The following TECPR1 variants were observed in gnomAD, a reference collection of about 807,000 sequenced individuals.
TECPR1 encodes tectonin beta-propeller repeat containing 1.
Under a neutral mutation model 162.4 loss-of-function variants are expected in TECPR1, and 122 were observed. The ratio of observed to expected loss-of-function variants is 0.75; its 90% CI spans 0.65 to 0.87. TECPR1 has a LOEUF of 0.87. Among genes scored for constraint, TECPR1 ranks in the 40% least tolerant of loss-of-function variants. The pLI is 0.00. For missense variants in TECPR1, 1,432 were observed against 1,618.2 expected (o/e 0.88, Z 1.97); for synonymous variants, 642 against 670.6 (o/e 0.96, Z 0.66).
Position 98,232,889 on chromosome 7 carries a change from GCTGCTGGAAGAT to G in TECPR1, c.1744_1755del (p.Ile582_Gln585del), listed in dbSNP as rs767197158. Reference sequence around the variant, plus strand: ...AGCTCCCGCTTGGTCCTTTCCGTGAGCTGCTGGAAGATCTGCTTCCTCCAGGCAGCGGTCTGG... The same window carrying G: ...AGCTCCCGCTTGGTCCTTTCCGTGAGCTGCTTCCTCCAGGCAGCGGTCTGG... On this transcript the variant is annotated inframe_deletion, in exon 12 of 26. Transcript: ENST00000447648. This position sits in a 1 kb window ranked among gnomAD's most constrained non-coding sequence, Gnocchi z 4.6. The G allele has an allele frequency of 3.1e-6, 5 of 1,613,010 alleles. No individual in the cohort carries two copies. Among genetic ancestry groups the G allele is most frequent in the Non-Finnish European group, 4.2e-6 (5 of 1,179,814 alleles).
In TECPR1 at chr7:98,222,374, C is replaced by T. The variant is rs369834776; in HGVS notation, c.3064+12G>A. On this transcript the variant is annotated intron_variant, in intron 22 of 25. Coordinates refer to ENST00000447648, the MANE Select transcript of TECPR1 (RefSeq NM_015395.3). ...GTGAACACTGCAGGGGCTCCTGGGGCGCGGCACTCACCGGCTGGCTGCGAG... is the reference window on the plus strand; with the variant it reads ...GTGAACACTGCAGGGGCTCCTGGGGTGCGGCACTCACCGGCTGGCTGCGAG... 3.7e-6 allele frequency: 6 copies of T among 1,604,760 alleles called. No individual in the cohort carries two copies. Among genetic ancestry groups the T allele is most frequent in the East Asian group, 2.2e-5 (1 of 44,600 alleles).
intron 15 of TECPR1, among the ~76,000 whole-genome samples, chr7:98,229,475 C>T (rs1345127581): frequency 2.6e-5 from 4 of 152,180 alleles, no homozygotes; most frequent in African/African-American, 7.2e-5. Context: ...AGGCCAGCGG[C>T]GTGTTTCACA....
At chr7:98,240,796 C>A in intron 8 of TECPR1, 55 bp downstream of exon 8, 1 of 1,421,860 alleles carries the variant, frequency 7.0e-7, no homozygotes, top group South Asian at 1.2e-5. Flanking sequence ...TCACAGCTCA[C>A]TGCAGTCTCC....
chr7:98,246,124 GC>G lies in TECPR1; in HGVS notation c.22del (p.Ala8ArgfsTer82), dbSNP rs1798902921. ...GTACACTCTCCCGAAGAGGTCCACC[GC>G]CCACAGCACTGAGTTGGGCATGGCA... is the stretch of plus-strand genomic sequence containing the variant. MPNSVLWAVDLFGRVYTL... is the reference protein window; with the variant it reads MPNSVLWXVDLFGRVYTL... On this transcript the variant is annotated frameshift_variant, in exon 3 of 26. Coordinates refer to ENST00000447648, the MANE Select transcript of TECPR1 (RefSeq NM_015395.3). LOFTEE classifies it high-confidence loss of function. 1 of 1,550,614 alleles carries G rather than the reference GC, an allele frequency of 6.4e-7. No individual in the cohort carries two copies. The highest frequency in any genetic ancestry group is 2.0e-5 in the Admixed American group (1 of 51,212).
At chr7:98,244,320 G>A (rs565454648) in intron 5 of TECPR1, among the ~76,000 whole-genome samples, 51 of 152,258 alleles carry the variant, frequency 3.3e-4, no homozygotes, top group Non-Finnish European at 6.8e-4. Flanking sequence ...GGACAGAGCA[G>A]CTTGGACACC....
chr7:98,244,484 C>T, intron 5 of TECPR1, 87 bp downstream of exon 5: 1 of 1,511,256 alleles, frequency 6.6e-7, no homozygotes, highest in Non-Finnish European at 8.9e-7. Context: ...CCCTGGTGCA[C>T]ACAGGTGGGG....
intron 9 of TECPR1, among the ~76,000 whole-genome samples, chr7:98,237,518 G>A (rs1798633476): frequency 6.6e-6 from 1 of 152,168 alleles, no homozygotes; most frequent in Non-Finnish European, 1.5e-5. Context: ...ACCCAGGCTG[G>A]AGTGCAGTGG....
intron 15 of TECPR1, 81 bp downstream of exon 15, chr7:98,230,880 G>C: frequency 6.6e-7 from 1 of 1,522,776 alleles, no homozygotes; most frequent in East Asian, 2.3e-5. Context: ...GTGGACTCCA[G>C]TCCTCTGGAT....
intron 9 of TECPR1, 91 bp downstream of exon 9, chr7:98,238,418 A>G (rs938749950): frequency 3.4e-5 from 36 of 1,046,796 alleles, no homozygotes; most frequent in Admixed American, 8.0e-5. Context: ...GCTCTCCTAC[A>G]GTGGGAAGCG....
chr7:98,217,189 G>A lies in TECPR1; in HGVS notation c.*201C>T, dbSNP rs188494392. ...CGGGACTCCTCGCAGACGGGGACACGTGTGGGAGTGTCCGCGGAGCTTCAC... is the reference window on the plus strand; with the variant it reads ...CGGGACTCCTCGCAGACGGGGACACATGTGGGAGTGTCCGCGGAGCTTCAC... On this transcript the variant is annotated 3_prime_UTR_variant, in exon 26 of 26. Coordinates refer to ENST00000447648, the MANE Select transcript of TECPR1 (RefSeq NM_015395.3). The A allele has an allele frequency of 3.8e-5, 22 of 572,290 alleles. No individual in the cohort carries two copies. Among genetic ancestry groups the A allele is most frequent in the African/African-American group, 1.5e-4 (8 of 52,674 alleles). The allele number at this position is 572,290 out of a possible 1,614,324, so 35.5% of individuals were successfully genotyped here.
At chr7:98,248,068 C>T (rs778442988) in intron 2 of TECPR1, among the ~76,000 whole-genome samples, 1 of 152,206 alleles carries the variant, frequency 6.6e-6, no homozygotes, top group Non-Finnish European at 1.5e-5. Context: ...ATAGCCAAGG[C>T]TATTGCTAAG....
chr7:98,235,489 C>T (rs1798570452), intron 10 of TECPR1, among the ~76,000 whole-genome samples: 1 of 145,614 alleles, frequency 6.9e-6, no homozygotes, highest in South Asian at 2.2e-4. Context: ...CGCGCCGTGG[C>T]ACTCCAGCCT....
chr7:98,243,188 CTGT>C (rs1798814378), intron 6 of TECPR1, among the ~76,000 whole-genome samples: 3 of 151,966 alleles, frequency 2.0e-5, no homozygotes, highest in Admixed American at 1.3e-4. Flanking sequence ...GGCACACCTT[CTGT>C]CACCCACACA....
At chr7:98,225,592 T>C (rs1228138849) in intron 17 of TECPR1, among the ~76,000 whole-genome samples, 1 of 151,980 alleles carries the variant, frequency 6.6e-6, no homozygotes, top group Non-Finnish European at 1.5e-5. Flanking sequence ...GACACATGCA[T>C]AGAGGGGAAA....
intron 2 of TECPR1, among the ~76,000 whole-genome samples, chr7:98,246,604 C>T (rs573102630): frequency 1.4e-5 from 2 of 145,264 alleles, no homozygotes; most frequent in South Asian, 2.2e-4. Flanking sequence ...TTTTTTGAGA[C>T]GGAGTCTCGC....
Position 98,233,659 on chromosome 7 carries a change from C to T in TECPR1, c.1434G>A (p.Pro478=), listed in dbSNP as rs764181858. 29 of 1,595,256 alleles carry T rather than the reference C, an allele frequency of 1.8e-5. No homozygotes were observed. The highest frequency in any genetic ancestry group is 2.2e-5 in the Non-Finnish European group (26 of 1,169,118). Residue 478 remains proline, a synonymous_variant, in exon 11 of 26, where the codon CCG becomes CCA. Transcript: ENST00000447648. ...AGGGCAGCTCGGCCGGGGTGGGGGC[C>T]GGGCCGGGGTGCGTGTTGGGTCTGG... ...REARPNTHPG[P]APTPAELPWT...
intron 10 of TECPR1, among the ~76,000 whole-genome samples, chr7:98,235,849 A>AACAAC (rs1554401447): frequency 9.1e-5 from 10 of 110,330 alleles, no homozygotes; most frequent in South Asian, 7.7e-4. Flanking sequence ...AAAAAAAAAA[A>AACAAC]AACACCATCT....
chr7:98,240,916 C>T lies in TECPR1; in HGVS notation c.868G>A (p.Glu290Lys). Residue 290 changes from glutamate (E) to lysine (K), a missense_variant, in exon 8 of 26, where the codon GAA becomes AAA. Glu to Lys is a moderately conservative substitution (Grantham distance 56). Coordinates refer to ENST00000447648, the MANE Select transcript of TECPR1 (RefSeq NM_015395.3). ...ACCGAGATGTGCATGACCCCGTTTT[C>T]AGATCCAGGAGGCTCCACGATGGAC... is the stretch of plus-strand genomic sequence containing the variant. ...SWSIVEPPGS[E>K]NGVMHISVGV... 2 of 1,609,592 alleles carry T rather than the reference C, an allele frequency of 1.2e-6. No homozygotes were observed. Among genetic ancestry groups the T allele is most frequent in the Admixed American group, 3.4e-5 (2 of 59,558 alleles).
At position 98,215,576 on chromosome 7, in the gene TECPR1, C is replaced by A. The variant is rs1797984998; in HGVS notation, c.*1814G>T. 1 of 152,296 alleles carries A rather than the reference C, an allele frequency of 6.6e-6. No homozygotes were observed. The highest frequency in any genetic ancestry group is 1.5e-5 in the Non-Finnish European group (1 of 68,062). 9.4% of individuals were successfully genotyped at this position (152,296 alleles called of 1,614,324 possible). ...GAAGTGATGCAGGGCAGGTAAACAG[C>A]TGGTGCTCAGCAGCGAGAGGACGCG... On this transcript the variant is annotated 3_prime_UTR_variant, in exon 26 of 26. Transcript: ENST00000447648.
Sources: allele counts gnomAD v4.1 joint callset (sites outside exome capture counted in the v4.1 genomes callset), GRCh38; gene constraint gnomAD v4.1.1; non-coding constraint Gnocchi (gnomAD v3.1); transcripts MANE v1.5; gene names NCBI Gene and HGNC (gene_info 2026-07-23, HGNC 2026-07-21).